RBM23: variants seen among roughly 807,000 people sequenced by gnomAD.
The protein encoded by RBM23 is RNA binding motif protein 23.
Under a neutral mutation model 56.2 loss-of-function variants are expected in RBM23, and 53 were observed. The ratio of observed to expected loss-of-function variants is 0.94; its 90% CI spans 0.76 to 1.19. RBM23 has a LOEUF of 1.19. RBM23 is among the 50% of genes most tolerant of loss of function. The pLI, the probability that RBM23 is intolerant of heterozygous loss-of-function variation, is 0.00. For missense variants in RBM23, 642 were observed against 590.3 expected (o/e 1.09, Z -0.91); for synonymous variants, 197 against 198.5 (o/e 0.99, Z 0.06).
rs1274184006 is a variant in RBM23, at chr14:22,908,400, C to T, written c.180-20G>A. ...TTCTTCCTGTGAAAGAGAGTACATT[C>T]TTCTTTTTTTTTTTTTAATTTTGAG... On this transcript the variant is annotated intron_variant, in intron 3 of 13. Coordinates refer to ENST00000359890, the MANE Select transcript of RBM23 (RefSeq NM_001077351.2). 1.2e-5 allele frequency: 18 copies of T among 1,536,250 alleles called. No individual in the cohort carries two copies. Among genetic ancestry groups the T allele is most frequent in the Non-Finnish European group, 1.4e-5 (16 of 1,142,926 alleles).
At position 22,902,756 on chromosome 14, in the gene RBM23, C is replaced by CCTTTTTTTTTTTTTTTTTTTT. The variant is rs1555336814; in HGVS notation, c.931-375_931-374insAAAAAAAAAAAAAAAAAAAAG. ...GTTCTCTATCCTAGTAAGTTTTAGT[C>CCTTTTTTTTTTTTTTTTTTTT]TTTTTTTTTTTTTTTTTTTTTTTTT... is the stretch of plus-strand genomic sequence containing the variant. On this transcript the variant is annotated intron_variant, in intron 10 of 13. Transcript: ENST00000359890. 14 of 432,480 alleles carry CCTTTTTTTTTTTTTTTTTTTT rather than the reference C, an allele frequency of 3.2e-5. 7 individuals carry two copies. The highest frequency in any genetic ancestry group is 4.5e-4 in the Admixed American group (2 of 4,470). 26.8% of individuals were successfully genotyped at this position (432,480 alleles called of 1,614,324 possible). A position where few individuals can be genotyped will look rare whatever the true frequency, so the allele number is the denominator to read the frequency against.
At chr14:22,904,792 G>A in intron 9 of RBM23, 83 bp downstream of exon 9, 1 of 1,577,902 alleles carries the variant, frequency 6.3e-7, no homozygotes, top group South Asian at 1.2e-5. Context: ...ATCACGGCCA[G>A]GCACAACAGA....
rs1000454408 is a variant in RBM23, at chr14:22,904,867, C to A, written c.864+8G>T. 2.5e-6 allele frequency: 4 copies of A among 1,614,158 alleles called. No individual in the cohort carries two copies. Among genetic ancestry groups the A allele is most frequent in the Non-Finnish European group, 3.4e-6 (4 of 1,180,006 alleles). On this transcript the variant is annotated splice_region_variant and intron_variant, in intron 9 of 13. Transcript: ENST00000359890. ...TTCCCTTCAGAGGTTTCTCTCACTT[C>A]TACTCACTTTACCAAAGGGCTCAAA...
At position 22,909,460 on chromosome 14, in the gene RBM23, C is replaced by T. The variant is rs915603699; in HGVS notation, c.179+23G>A. 2.5e-6 allele frequency: 4 copies of T among 1,596,632 alleles called. No individual in the cohort carries two copies. The South Asian group carries it at 4.4e-5, about 18-fold the overall frequency. On this transcript the variant is annotated intron_variant, in intron 3 of 13. Coordinates refer to ENST00000359890, the MANE Select transcript of RBM23 (RefSeq NM_001077351.2). ...TGTTTCCCTTCCCCAAGTTGCCAACCCATTTCTTCCTCCCACACTCACTTG... is the reference window on the plus strand; with the variant it reads ...TGTTTCCCTTCCCCAAGTTGCCAACTCATTTCTTCCTCCCACACTCACTTG...
chr14:22,914,699 G>C (rs986549977), intron 1 of RBM23, among the ~76,000 whole-genome samples: 10 of 151,836 alleles, frequency 6.6e-5, no homozygotes, highest in Non-Finnish European at 1.2e-4. Context: ...TAAGAACTTT[G>C]TTGGCCAGCC....
rs547801641 is a variant in RBM23 at position 22,896,933 on chromosome 14, A to G, written c.*4797T>C. 1 of 152,374 alleles carries G rather than the reference A, an allele frequency of 6.6e-6. No individual in the cohort carries two copies. The highest frequency in any genetic ancestry group is 6.5e-5 in the Admixed American group (1 of 15,300). The allele number at this position is 152,374 out of a possible 1,614,324, so 9.4% of individuals were successfully genotyped here. ...AGACCGGAATTCCTTTCCTGCATCCAGCTCGTGACTATTGCCTTCACCTGG... is the reference window on the plus strand; with the variant it reads ...AGACCGGAATTCCTTTCCTGCATCCGGCTCGTGACTATTGCCTTCACCTGG... On this transcript the variant is annotated 3_prime_UTR_variant, in exon 14 of 14. Transcript: ENST00000359890.
At chr14:22,909,626 G>A in intron 2 of RBM23, 31 bp from the exon 3 acceptor site, 2 of 1,550,114 alleles carry the variant, frequency 1.3e-6, no homozygotes, top group Non-Finnish European at 1.8e-6. Flanking sequence ...ATGTCACAAG[G>A]TATAAGGTGG....
intron 1 of RBM23, 191 bp downstream of exon 1, chr14:22,918,808 C>G (rs959186282): frequency 6.6e-6 from 1 of 152,200 alleles, no homozygotes; most frequent in African/African-American, 2.4e-5. Flanking sequence ...ACTCTAAAAT[C>G]GTGGCAGTGG....
chr14:22,911,309 G>C lies in RBM23; in HGVS notation c.66+19C>G, dbSNP rs1426435772. 3.1e-6 allele frequency: 5 copies of C among 1,609,200 alleles called. No individual in the cohort carries two copies. The highest frequency in any genetic ancestry group is 1.7e-4 in the Middle Eastern group (1 of 6,004). On this transcript the variant is annotated intron_variant, in intron 2 of 13. Coordinates refer to ENST00000359890, the MANE Select transcript of RBM23 (RefSeq NM_001077351.2). ...CTTTCTCATTAACCCAATTCCAGGAGTGAGGTGGAAAATATTACCTCTTCT... is the reference window on the plus strand; with the variant it reads ...CTTTCTCATTAACCCAATTCCAGGACTGAGGTGGAAAATATTACCTCTTCT...
At chr14:22,914,503 C>T (rs570978388) in intron 1 of RBM23, among the ~76,000 whole-genome samples, 1 of 151,690 alleles carries the variant, frequency 6.6e-6, no homozygotes, top group South Asian at 2.1e-4. Context: ...AATACAAAAA[C>T]AAACAAATCT....
rs768962264 is a variant in RBM23, at chr14:22,911,313, G to A, written c.66+15C>T. The A allele has an allele frequency of 6.2e-7, 1 of 1,611,026 alleles. No homozygotes were observed. Among genetic ancestry groups the A allele is most frequent in the South Asian group, 1.1e-5 (1 of 90,930 alleles). ...CTCATTAACCCAATTCCAGGAGTGA[G>A]GTGGAAAATATTACCTCTTCTTTTT... On this transcript the variant is annotated intron_variant, in intron 2 of 13. Transcript: ENST00000359890.
intron 3 of RBM23, 23 bp from the exon 4 acceptor site, chr14:22,908,403 C>G (rs553706643): frequency 1.2e-6 from 1 of 824,432 alleles, no homozygotes; most frequent in African/African-American, 1.8e-5. Flanking sequence ...GTACATTCTT[C>G]TTTTTTTTTT....
chr14:22,905,007 C>A lies in RBM23; in HGVS notation c.732G>T (p.Glu244Asp). The change falls in exon 9 of 14, where the codon GAG (glutamate) becomes GAT (aspartate). Residue 244 changes from glutamate to aspartate, a missense_variant. Coordinates refer to ENST00000359890, the MANE Select transcript of RBM23 (RefSeq NM_001077351.2). ...TGGCCATGGCTGCCAGTCGGTTTTT[C>A]TCTGCCTGGGGAAGGAGGAAATGAT... is the stretch of plus-strand genomic sequence containing the variant. The part of the protein sequence containing the change: ...VPIIVQASQA[E>D]KNRLAAMANN... The A allele has an allele frequency of 1.9e-6, 3 of 1,614,210 alleles. No individual in the cohort carries two copies. The highest frequency in any genetic ancestry group is 2.5e-6 in the Non-Finnish European group (3 of 1,180,034).
At position 22,893,803 on chromosome 14, in the gene RBM23, C is replaced by T. The variant is rs561421730; in HGVS notation, c.*7927G>A. 1 of 152,096 alleles carries T rather than the reference C, an allele frequency of 6.6e-6. No individual in the cohort carries two copies. The highest frequency in any genetic ancestry group is 1.5e-5 in the Non-Finnish European group (1 of 68,032). 9.4% of individuals were successfully genotyped at this position (152,096 alleles called of 1,614,324 possible). ...ACTGCTTCTCAGGCCTTTATCATCT[C>T]GGTGACTCCCTGATGGATATGCTTA... On this transcript the variant is annotated 3_prime_UTR_variant, in exon 14 of 14. Coordinates refer to ENST00000359890, the MANE Select transcript of RBM23 (RefSeq NM_001077351.2).
At chr14:22,912,105 T>G (rs1024702243) in intron 1 of RBM23, among the ~76,000 whole-genome samples, 1 of 152,212 alleles carries the variant, frequency 6.6e-6, no homozygotes, top group Non-Finnish European at 1.5e-5. Context: ...TTCAAAATTC[T>G]GAATAAATAC....
rs1301062702 is a variant in RBM23 at position 22,909,541 on chromosome 14, T to C, written c.121A>G (p.Ser41Gly). ...KKDYPSNTTS[S>G]TSNSGNETSG... ...GTCTCATTGCCACTGTTGCTGGTGC[T>C]GCTGGTGGTATTGCTAGGATAATCC... is the stretch of plus-strand genomic sequence containing the variant. Residue 41 changes from serine to glycine, a missense_variant, in exon 3 of 14, where the codon AGC becomes GGC. By Grantham distance (56) the Ser-to-Gly change is moderately conservative (BLOSUM62 0). Coordinates refer to ENST00000359890, the MANE Select transcript of RBM23 (RefSeq NM_001077351.2). The C allele has an allele frequency of 1.2e-6, 2 of 1,613,580 alleles. No homozygotes were observed. The highest frequency in any genetic ancestry group is 1.7e-6 in the Non-Finnish European group (2 of 1,180,018).
intron 2 of RBM23, among the ~76,000 whole-genome samples, chr14:22,910,027 C>T (rs748341224): frequency 1.3e-5 from 2 of 151,780 alleles, no homozygotes; most frequent in Non-Finnish European, 2.9e-5. Context: ...GTGGCACACG[C>T]CTGTAGTCCC....
intron 10 of RBM23, 138 bp downstream of exon 10, chr14:22,904,123 G>GT (rs1366391553): frequency 6.4e-7 from 1 of 1,553,304 alleles, no homozygotes; most frequent in Non-Finnish European, 8.7e-7. Context: ...GGGGTAGAAG[G>GT]CTAGTCCAAG....
At chr14:22,902,969 A>T (rs898358222) in intron 10 of RBM23, 24 of 695,326 alleles carry the variant, frequency 3.5e-5, no homozygotes, top group Non-Finnish European at 3.7e-5. Flanking sequence ...TTTAGTAGAG[A>T]TGGGGTTTCA....
Sources: gnomAD v4.1 joint callset for allele counts (sites outside exome capture counted in the v4.1 genomes callset) on GRCh38, gnomAD v4.1.1 for gene constraint, MANE v1.5 for transcripts, NCBI Gene and HGNC (gene_info 2026-07-23, HGNC 2026-07-21) for gene names.